Variants in HMG20A observed in about 807,000 individuals in gnomAD.
The protein encoded by HMG20A is high mobility group 20A, also known as high mobility group protein 20A.
Under a neutral mutation model 43.9 loss-of-function variants are expected in HMG20A, and 17 were observed. The ratio of observed to expected loss-of-function variants is 0.39; its 90% CI spans 0.27 to 0.58. HMG20A has a LOEUF of 0.58. Among genes scored for constraint, HMG20A ranks in the 20% least tolerant of loss-of-function variants. HMG20A has a pLI of 0.59. For synonymous variants in HMG20A, 132 were observed against 147.5 expected (o/e 0.89, Z 0.76); for missense variants, 341 against 438.2 (o/e 0.78, Z 1.98).
At chr15:77,442,393 A>T (rs2142295887) in intron 1 of HMG20A, among the ~76,000 whole-genome samples, 1 of 152,320 alleles carries the variant, frequency 6.6e-6, no homozygotes, top group Non-Finnish European at 1.5e-5. Context: ...AATGAACTGA[A>T]TCTGTGCTGT....
At chr15:77,495,581 G>C in the HMG20A span, among the ~76,000 whole-genome samples, 1 of 152,090 alleles carries the variant, frequency 6.6e-6, no homozygotes, top group Non-Finnish European at 1.5e-5. Context: ...AAAAAAGGCA[G>C]TAAAGTGGAA....
At position 77,469,655 on chromosome 15, in the gene HMG20A, ATTTGTTTGTTTG is replaced by A. The variant is rs71447155; in HGVS notation, c.451-1239_451-1228del. On this transcript the variant is annotated intron_variant, in intron 4 of 9. Coordinates refer to ENST00000336216, the MANE Select transcript of HMG20A (RefSeq NM_001304504.2). ...CCCGACCCCCTACCCCCATTTATTT[ATTTGTTTGTTTG>A]TTTGTTTGTTTGTTTTTTGAGATGG... Among the ~76,000 whole-genome samples, 66 of 151,456 alleles carry A rather than the reference ATTTGTTTGTTTG, an allele frequency of 4.4e-4. No homozygotes were observed. The South Asian group carries it at 0.014, about 32-fold the overall frequency.
chr15:77,498,609 C>T, the HMG20A span, among the ~76,000 whole-genome samples: 3 of 152,186 alleles, frequency 2.0e-5, no homozygotes, highest in East Asian at 1.9e-4. Context: ...GGTTCACATC[C>T]GGTTCTGCCG....
In HMG20A at chr15:77,470,924, A is replaced by G. The variant is rs947913482; in HGVS notation, c.465A>G (p.Glu155=). The G allele has an allele frequency of 7.5e-6, 12 of 1,595,310 alleles. No homozygotes were observed. Among genetic ancestry groups the G allele is most frequent in the African/African-American group, 1.4e-5 (1 of 73,648 alleles). ...PPEEKQRYLD[E]ADRDKERYMK... ...TTCTTTCCTAGCGCTACCTTGATGA[A>G]GCAGACAGAGATAAGGAGCGTTACA... is the stretch of plus-strand genomic sequence containing the variant. Residue 155 remains glutamate, a synonymous_variant, in exon 5 of 10, where the codon GAA becomes GAG. Transcript: ENST00000336216.
At chr15:77,471,944 G>A (rs946006670) in intron 6 of HMG20A, 130 bp downstream of exon 6, 19 of 546,692 alleles carry the variant, frequency 3.5e-5, no homozygotes, top group African/African-American at 6.0e-5. Flanking sequence ...GATTAAATGA[G>A]ATACTTTAGC....
intron 1 of HMG20A, among the ~76,000 whole-genome samples, chr15:77,441,029 T>C (rs537061654): frequency 1.0e-3 from 159 of 152,282 alleles, no homozygotes; most frequent in African/African-American, 3.7e-3. Context: ...GCTGCAATTA[T>C]TGCTATCATT....
intron 6 of HMG20A, among the ~76,000 whole-genome samples, chr15:77,473,940 C>T (rs1331773505): frequency 5.9e-5 from 9 of 152,160 alleles, no homozygotes; most frequent in African/African-American, 2.2e-4. Context: ...TTACTTCATC[C>T]ATTTTTATTT....
chr15:77,468,805 T>C (rs1370126761), intron 4 of HMG20A, among the ~76,000 whole-genome samples: 2 of 152,228 alleles, frequency 1.3e-5, no homozygotes, highest in African/African-American at 2.4e-5. Flanking sequence ...CTTTAATCTG[T>C]CATCTATATG....
At chr15:77,435,897 GT>G (rs2073542281) in intron 1 of HMG20A, among the ~76,000 whole-genome samples, 1 of 150,896 alleles carries the variant, frequency 6.6e-6, no homozygotes, top group South Asian at 2.1e-4. Context: ...CCTTTTTGCA[GT>G]TCCTCCTCTA....
Position 77,438,069 on chromosome 15 carries a change from G to A in HMG20A, c.-5+17065G>A, listed in dbSNP as rs1031459773. Among the ~76,000 whole-genome samples the A allele has an allele frequency of 5.2e-4, 79 of 150,726 alleles. 1 individual carries two copies. The highest frequency in any genetic ancestry group is 1.7e-3 in the African/African-American group (68 of 40,986). ...ACTCCTAGGCAAAAGTGATCCTCCCGCCTCAGCCTCCCAAGTAGCTTGGAC... is the reference window on the plus strand; with the variant it reads ...ACTCCTAGGCAAAAGTGATCCTCCCACCTCAGCCTCCCAAGTAGCTTGGAC... On this transcript the variant is annotated intron_variant, in intron 1 of 9. Transcript: ENST00000336216.
intron 9 of HMG20A, among the ~76,000 whole-genome samples, chr15:77,480,308 T>A (rs1460869897): frequency 6.6e-6 from 1 of 150,980 alleles, no homozygotes; most frequent in Non-Finnish European, 1.5e-5. Flanking sequence ...AAAATTTTTT[T>A]AAATAAAAAA....
At chr15:77,431,316 A>C (rs576064029) in intron 1 of HMG20A, among the ~76,000 whole-genome samples, 1 of 152,128 alleles carries the variant, frequency 6.6e-6, no homozygotes, top group South Asian at 2.1e-4. Context: ...TGTTCAAGCG[A>C]TTCTCCTGCC....
At chr15:77,497,269 A>C in the HMG20A span, among the ~76,000 whole-genome samples, 2 of 152,216 alleles carry the variant, frequency 1.3e-5, no homozygotes, top group Non-Finnish European at 2.9e-5. Context: ...GTTCCCGAGA[A>C]GGTGAGGAAG....
intron 1 of HMG20A, among the ~76,000 whole-genome samples, chr15:77,456,509 C>T (rs1256141516): frequency 1.3e-5 from 2 of 151,814 alleles, no homozygotes; most frequent in South Asian, 2.1e-4. Context: ...GGTGATACCC[C>T]GTCTGTACTA....
At chr15:77,496,522 C>T in the HMG20A span, among the ~76,000 whole-genome samples, 37 of 152,174 alleles carry the variant, frequency 2.4e-4, no homozygotes, top group African/African-American at 8.9e-4. Context: ...AAAATGCTTT[C>T]TTGGAATTAT....
At chr15:77,508,131 G>T in the HMG20A span, among the ~76,000 whole-genome samples, 6 of 152,156 alleles carry the variant, frequency 3.9e-5, no homozygotes, top group Non-Finnish European at 5.9e-5. Flanking sequence ...GCTCAGTGAG[G>T]TTGGGAGGAG....
downstream of HMG20A, among the ~76,000 whole-genome samples, chr15:77,487,305 AAATG>A (rs1431583451): frequency 3.9e-5 from 6 of 152,254 alleles, no homozygotes; most frequent in Admixed American, 3.9e-4. Context: ...AAGAAGGAGA[AAATG>A]AATATAGAGT....
chr15:77,479,286 C>G lies in HMG20A; in HGVS notation c.1015C>G (p.Arg339Gly). 6.2e-7 allele frequency: 1 copy of G among 1,614,008 alleles called. No individual in the cohort carries two copies. The highest frequency in any genetic ancestry group is 8.5e-7 in the Non-Finnish European group (1 of 1,179,960). ...CAATGAAAACTTCATAGCTACAGTT[C>G]GAGAAGTTGTGAACAGACTCGATCG... is the stretch of plus-strand genomic sequence containing the variant. The part of the protein sequence containing the change: ...QDNENFIATV[R>G]EVVNRLDR The change falls in exon 9 of 10, where the codon CGA becomes GGA. Residue 339 changes from arginine to glycine, a missense_variant. Physicochemically the swap from Arg to Gly is moderately radical, Grantham distance 125. Around this residue, in one of 3 missense-constraint regions of HMG20A, gnomAD observed 118 missense variants for 154.5 expected, o/e 0.76. Transcript: ENST00000336216.
chr15:77,422,120 G>C (rs1009332700), intron 1 of HMG20A, among the ~76,000 whole-genome samples: 14 of 152,176 alleles, frequency 9.2e-5, no homozygotes, highest in Admixed American at 3.9e-4. Flanking sequence ...ACAATACTTA[G>C]AAGGGTGTGT....
Sources: gnomAD v4.1 joint callset for allele counts (sites outside exome capture counted in the v4.1 genomes callset) on GRCh38, gnomAD v4.1.1 for gene constraint, gnomAD v4.1.1 regional missense constraint, MANE v1.5 for transcripts, NCBI Gene and HGNC (gene_info 2026-07-23, HGNC 2026-07-21) for gene names.